Variants in CFAP44 observed in about 807,000 individuals in gnomAD.
The protein encoded by CFAP44 is cilia and flagella associated protein 44, also known as cilia- and flagella-associated protein 44.
CFAP44 carries 134 observed loss-of-function variants against 216.2 expected under a neutral mutation model. The observed-to-expected ratio is 0.62, with a 90% CI of 0.54 to 0.72. CFAP44 has a LOEUF of 0.72. Ranked by LOEUF, CFAP44 falls within the 30% of genes least tolerant of loss-of-function variation. CFAP44 has a pLI of 0.00. For missense variants in CFAP44, 2,035 were observed against 2,182.1 expected (o/e 0.93, Z 1.34); for synonymous variants, 700 against 727.6 (o/e 0.96, Z 0.61).
chr3:113,359,154 T>C (rs1231886357), intron 21 of CFAP44, among the ~76,000 whole-genome samples: 1 of 152,196 alleles, frequency 6.6e-6, no homozygotes, highest in Non-Finnish European at 1.5e-5. Context: ...GAGTATACAG[T>C]TTTAAAGACG....
intron 9 of CFAP44, 140 bp from the exon 10 acceptor site, chr3:113,401,879 G>A (rs1934152931): frequency 1.1e-6 from 1 of 899,284 alleles, no homozygotes; most frequent in African/African-American, 1.7e-5. Context: ...AGTGTGATAA[G>A]AACACCAGCC....
chr3:113,344,801 A>G (rs1576558815), intron 22 of CFAP44, 89 bp from the exon 23 acceptor site: 2 of 1,131,834 alleles, frequency 1.8e-6, no homozygotes, highest in South Asian at 3.8e-5. Context: ...ACAATACACT[A>G]TTCTTATTAT....
intron 30 of CFAP44, 124 bp from the exon 31 acceptor site, chr3:113,305,276 T>G: frequency 1.3e-6 from 1 of 792,428 alleles, no homozygotes; most frequent in South Asian, 1.7e-5. Flanking sequence ...TGGGCTGTGA[T>G]TAAGTGCATG....
intron 5 of CFAP44, among the ~76,000 whole-genome samples, chr3:113,418,155 T>C (rs894178194): frequency 6.6e-6 from 1 of 152,108 alleles, no homozygotes; most frequent in Non-Finnish European, 1.5e-5. Flanking sequence ...TGGCATGATC[T>C]CTGCTGTCTG....
chr3:113,328,390 A>G (rs956612835), intron 26 of CFAP44, among the ~76,000 whole-genome samples: 12 of 151,376 alleles, frequency 7.9e-5, no homozygotes, highest in African/African-American at 2.9e-4. Flanking sequence ...ACTTTAATCC[A>G]TTATGGTCCT....
chr3:113,293,761 C>T (rs1576532271), intron 34 of CFAP44, among the ~76,000 whole-genome samples: 1 of 152,356 alleles, frequency 6.6e-6, no homozygotes, highest in East Asian at 1.9e-4. Flanking sequence ...TATAAGCCTT[C>T]CCAATCCTCC....
At position 113,366,026 on chromosome 3, in the gene CFAP44, A is replaced by C; in HGVS notation, c.2715+13T>G. 3 of 1,586,346 alleles carry C rather than the reference A, an allele frequency of 1.9e-6. No individual in the cohort carries two copies. ...CAGTTTGTTATTAATTAACTGGTTAATTAATTACATACCCTGGGAGATGGA... is the reference window on the plus strand; with the variant it reads ...CAGTTTGTTATTAATTAACTGGTTACTTAATTACATACCCTGGGAGATGGA... On this transcript the variant is annotated intron_variant, in intron 19 of 34. Transcript: ENST00000393845.
chr3:113,336,085 T>C (rs1242591721), intron 24 of CFAP44, among the ~76,000 whole-genome samples: 5 of 152,170 alleles, frequency 3.3e-5, no homozygotes, highest in Admixed American at 3.3e-4. Context: ...AGGAAATTTA[T>C]AGTTTAAATG....
chr3:113,323,551 A>G (rs1003239632), intron 28 of CFAP44, among the ~76,000 whole-genome samples: 2 of 152,172 alleles, frequency 1.3e-5, no homozygotes, highest in Non-Finnish European at 2.9e-5. Context: ...TACCAATGTA[A>G]CAATCCTGCA....
In CFAP44 at chr3:113,289,441, G is replaced by C. The variant is rs952536662; in HGVS notation, c.*2116C>G. ...CAATCAGAATCAGAATCTCAGAATGGGAAGGAACCCATTCTACCAATCCTT... is the reference window on the plus strand; with the variant it reads ...CAATCAGAATCAGAATCTCAGAATGCGAAGGAACCCATTCTACCAATCCTT... On this transcript the variant is annotated 3_prime_UTR_variant, in exon 35 of 35. Coordinates refer to ENST00000393845, the MANE Select transcript of CFAP44 (RefSeq NM_001164496.2). 5.3e-5 allele frequency: 8 copies of C among 152,230 alleles called. No individual in the cohort carries two copies. The highest frequency in any genetic ancestry group is 1.9e-4 in the African/African-American group (8 of 41,534). The allele number at this position is 152,230 out of a possible 1,614,324, so 9.4% of individuals were successfully genotyped here. A position where few individuals can be genotyped will look rare whatever the true frequency, so the allele number is the denominator to read the frequency against.
intron 6 of CFAP44, among the ~76,000 whole-genome samples, chr3:113,415,751 C>T (rs1228211382): frequency 1.3e-5 from 2 of 152,118 alleles, no homozygotes; most frequent in Admixed American, 1.3e-4. Flanking sequence ...AACTCTTATG[C>T]ATTTGCTGAG....
At chr3:113,329,704 C>T (rs951429150) in intron 26 of CFAP44, among the ~76,000 whole-genome samples, 5 of 152,142 alleles carry the variant, frequency 3.3e-5, no homozygotes, top group African/African-American at 1.2e-4. Context: ...AATCTCAAAC[C>T]CAGTAATCAC....
At chr3:113,435,719 A>T in intron 1 of CFAP44, among the ~76,000 whole-genome samples, 1 of 123,838 alleles carries the variant, frequency 8.1e-6, no homozygotes. Flanking sequence ...ACAGACCAAG[A>T]CTCTGCTTCT....
intron 34 of CFAP44, 122 bp from the exon 35 acceptor site, chr3:113,291,870 T>C (rs1036234247): frequency 3.6e-6 from 4 of 1,100,636 alleles, no homozygotes; most frequent in Admixed American, 2.8e-5. Flanking sequence ...CCACTGTTCC[T>C]TAATCTCGGG....
chr3:113,441,344 A>C, intron 1 of CFAP44, 109 bp downstream of exon 1: 1 of 971,606 alleles, frequency 1.0e-6, no homozygotes, highest in Non-Finnish European at 1.2e-6. Context: ...GACGAAGGCT[A>C]TAACACTGGT....
At chr3:113,306,387 C>T in intron 29 of CFAP44, 56 bp from the exon 30 acceptor site, 2 of 1,514,136 alleles carry the variant, frequency 1.3e-6, no homozygotes, top group Non-Finnish European at 1.8e-6. Context: ...TGTGGTAGTA[C>T]TAAAATTGTG....
chr3:113,338,684 C>T (rs1576555354), intron 24 of CFAP44, among the ~76,000 whole-genome samples: 1 of 152,178 alleles, frequency 6.6e-6, no homozygotes, highest in East Asian at 1.9e-4. Flanking sequence ...TCTGGAAAGT[C>T]TCACAGGGTC....
intron 22 of CFAP44, among the ~76,000 whole-genome samples, chr3:113,345,531 A>G (rs1008202779): frequency 6.6e-6 from 1 of 152,118 alleles, no homozygotes; most frequent in Non-Finnish European, 1.5e-5. Flanking sequence ...TCAATTTTCC[A>G]TGTTTAATGA....
chr3:113,377,449 C>T (rs1221830176), intron 17 of CFAP44, among the ~76,000 whole-genome samples: 3 of 152,070 alleles, frequency 2.0e-5, no homozygotes, highest in Non-Finnish European at 2.9e-5. Flanking sequence ...TTTCACTTCT[C>T]ATTAGTTATA....
Sources: gnomAD v4.1 joint callset for allele counts (sites outside exome capture counted in the v4.1 genomes callset) on GRCh38, gnomAD v4.1.1 for gene constraint, MANE v1.5 for transcripts, NCBI Gene and HGNC (gene_info 2026-07-23, HGNC 2026-07-21) for gene names.